MEIOSIN: variants seen among roughly 807,000 people sequenced by gnomAD.
MEIOSIN encodes meiosis initiator.
In MEIOSIN, 18 loss-of-function variants were observed where a neutral mutation model predicts 23.4. The ratio of observed to expected loss-of-function variants is 0.77; its 90% confidence interval spans 0.53 to 1.14. The LOEUF (loss-of-function observed/expected upper bound fraction) is 1.14. Among genes scored for constraint, MEIOSIN ranks in the 50% most tolerant of loss-of-function variants. The probability of loss-of-function intolerance (pLI) is 0.00; values close to 1 mark genes in which losing one functional copy is unlikely to be tolerated. For synonymous variants in MEIOSIN, 187 were observed against 100.6 expected, an observed-to-expected ratio of 1.86 and a Z score of -5.14; for missense variants, 428 against 242.9, an observed-to-expected ratio of 1.76 and a Z score of -5.07.
chr19:45,746,684 G>A (rs1968601435), intron 4 of MEIOSIN, among the ~76,000 whole-genome samples: 1 of 152,034 alleles, frequency 6.6e-6, no homozygotes, highest in South Asian at 2.1e-4. Flanking sequence ...AGCCAGGAGT[G>A]GTGGCGCGTG....
chr19:45,752,061 A>C (rs1187319306), intron 5 of MEIOSIN, among the ~76,000 whole-genome samples: 3 of 109,752 alleles, frequency 2.7e-5, no homozygotes, highest in Non-Finnish European at 5.5e-5. Context: ...TTTTGAGACA[A>C]GGTCTCACTC....
chr19:45,752,496 C>T (rs369161049), intron 5 of MEIOSIN, among the ~76,000 whole-genome samples: 4 of 152,040 alleles, frequency 2.6e-5, no homozygotes, highest in Non-Finnish European at 4.4e-5. Context: ...TGTGAGCCAT[C>T]GTGCCTGGCT....
intron 3 of MEIOSIN, among the ~76,000 whole-genome samples, chr19:45,744,383 A>G (rs10422883): frequency 0.47 from 71,050 of 151,880 alleles, 17,018 homozygotes; most frequent in East Asian, 0.65. Context: ...AGCTTCATAG[A>G]CATATGACCT....
chr19:45,757,073 C>A lies in MEIOSIN; in HGVS notation c.912-104C>A, dbSNP rs771091791. 6.3e-6 allele frequency: 4 copies of A among 632,330 alleles called. No homozygotes were observed. In the East Asian group the frequency reaches 8.3e-5, roughly 13 times the overall value. The allele number at this position is 632,330 out of a possible 1,614,324, so 39.2% of individuals were successfully genotyped here. On this transcript the variant is annotated intron_variant, in intron 8 of 14. Coordinates refer to ENST00000457052, the MANE Select transcript of MEIOSIN (RefSeq NM_001310124.2). ...GAGCCTCGACTGACTGAGCTTTACA[C>A]CCCCAGCACTCCCCCAGGGGCCAGT...
intron 2 of MEIOSIN, among the ~76,000 whole-genome samples, chr19:45,739,077 G>A (rs1378566528): frequency 4.6e-5 from 7 of 152,154 alleles, no homozygotes; most frequent in Non-Finnish European, 8.8e-5. Context: ...GGGAATCTGC[G>A]TCTCTTGGCT....
chr19:45,742,082 A>C (rs1053493738), intron 3 of MEIOSIN, among the ~76,000 whole-genome samples: 1 of 151,986 alleles, frequency 6.6e-6, no homozygotes, highest in African/African-American at 2.4e-5. Context: ...CACCATGTTG[A>C]TCAGGCTGGT....
intron 13 of MEIOSIN, 149 bp downstream of exon 13, chr19:45,762,332 A>G: frequency 2.5e-6 from 1 of 398,158 alleles, no homozygotes; most frequent in Non-Finnish European, 4.4e-6. Context: ...CTTCCCCAGA[A>G]CTGAACCCGG....
chr19:45,736,405 G>C (rs923040542), intron 2 of MEIOSIN, among the ~76,000 whole-genome samples: 2 of 151,994 alleles, frequency 1.3e-5, no homozygotes, highest in Non-Finnish European at 2.9e-5. Flanking sequence ...CTGATGCCCA[G>C]GCTGTAGAGT....
chr19:45,737,794 A>G (rs1374830722), intron 2 of MEIOSIN, among the ~76,000 whole-genome samples: 1 of 151,694 alleles, frequency 6.6e-6, no homozygotes, highest in African/African-American at 2.4e-5. Context: ...TTAGCTGGGC[A>G]TGATATAATC....
In MEIOSIN at chr19:45,764,319, C is replaced by T; in HGVS notation, c.*201C>T. The stretch of plus-strand genomic sequence containing the variant: ...GGAGCACCAGAGTCACCCACAGCTG[C>T]CTTGATTCTCCCCCAGGCTTAGGAA... On this transcript the variant is annotated 3_prime_UTR_variant, in exon 15 of 15. Coordinates refer to ENST00000457052, the MANE Select transcript of MEIOSIN (RefSeq NM_001310124.2). The T allele has an allele frequency of 2.5e-6, 1 of 394,258 alleles. No homozygotes were observed. The highest frequency in any genetic ancestry group is 4.5e-6 in the Non-Finnish European group (1 of 223,700). The allele number at this position is 394,258 out of a possible 1,614,324, so 24.4% of individuals were successfully genotyped here.
intron 4 of MEIOSIN, among the ~76,000 whole-genome samples, chr19:45,749,655 G>T (rs1968656026): frequency 3.7e-5 from 2 of 54,604 alleles, no homozygotes; most frequent in East Asian, 7.4e-4. Flanking sequence ...CTGGGCGACA[G>T]AACAAGATTC....
At chr19:45,739,185 GCT>G (rs2146173915) in intron 2 of MEIOSIN, among the ~76,000 whole-genome samples, 1 of 152,108 alleles carries the variant, frequency 6.6e-6, no homozygotes, top group Non-Finnish European at 1.5e-5. Flanking sequence ...ATGGAGTCTT[GCT>G]CTGTCACCCA....
intron 1 of MEIOSIN, among the ~76,000 whole-genome samples, chr19:45,734,454 G>A (rs531070484): frequency 6.6e-6 from 1 of 152,180 alleles, no homozygotes; most frequent in South Asian, 2.1e-4. Flanking sequence ...CAGTTTGAGG[G>A]TCTGGGGTAT....
intron 3 of MEIOSIN, among the ~76,000 whole-genome samples, chr19:45,744,919 T>C (rs1040007082): frequency 3.3e-5 from 5 of 152,172 alleles, no homozygotes; most frequent in Admixed American, 6.6e-5. Context: ...ATGGCAGGGT[T>C]GAGTGAACTA....
At chr19:45,761,096 T>A (rs1428315068) in intron 11 of MEIOSIN, among the ~76,000 whole-genome samples, 6 of 150,584 alleles carry the variant, frequency 4.0e-5, no homozygotes, top group African/African-American at 9.8e-5. Context: ...GCTGGTTTTT[T>A]AAATTATTTT....
intron 1 of MEIOSIN, among the ~76,000 whole-genome samples, chr19:45,734,106 T>G (rs1968369514): frequency 6.6e-6 from 1 of 152,102 alleles, no homozygotes; most frequent in Non-Finnish European, 1.5e-5. Context: ...AGTATAGATT[T>G]AGGGCCTAAA....
Position 45,764,070 on chromosome 19 carries a change from C to T in MEIOSIN, c.1869C>T (p.Tyr623=), listed in dbSNP as rs1969007426. 5.0e-6 allele frequency: 2 copies of T among 398,540 alleles called. No homozygotes were observed. Among genetic ancestry groups the T allele is most frequent in the African/African-American group, 4.1e-5 (2 of 48,646 alleles). 24.7% of individuals were successfully genotyped at this position (398,540 alleles called of 1,614,324 possible). A position where few individuals can be genotyped will look rare whatever the true frequency, so the allele number is the denominator to read the frequency against. Residue 623 remains tyrosine, a synonymous_variant, in exon 15 of 15, where the codon TAC becomes TAT. Transcript: ENST00000457052. ...AEDWETPKPF[Y]QLLAEKALPL... is the part of the protein sequence containing the mutation. ...ACTGGGAGACGCCAAAGCCCTTCTA[C>T]CAGCTGCTGGCCGAGAAGGCCTTGC...
intron 4 of MEIOSIN, among the ~76,000 whole-genome samples, chr19:45,747,950 A>G (rs1308630828): frequency 2.1e-5 from 3 of 140,470 alleles, no homozygotes; most frequent in Non-Finnish European, 4.9e-5. Context: ...AAATACAAAA[A>G]TTAGCCAGCC....
intron 11 of MEIOSIN, 37 bp from the exon 12 acceptor site, chr19:45,761,642 G>A (rs776295529): frequency 2.9e-6 from 2 of 690,848 alleles, no homozygotes; most frequent in Admixed American, 2.0e-5. Context: ...GGCACCACTT[G>A]TCTCCCCTCC....
Sources: gnomAD v4.1 joint callset for allele counts (sites outside exome capture counted in the v4.1 genomes callset) on GRCh38, gnomAD v4.1.1 for gene constraint, MANE v1.5 for transcripts, NCBI Gene and HGNC (gene_info 2026-07-23, HGNC 2026-07-21) for gene names.